CCDC138: variants seen among roughly 807,000 people sequenced by gnomAD.
The protein encoded by CCDC138 is coiled-coil domain-containing protein 138.
CCDC138 carries 66 observed loss-of-function variants against 82.3 expected under a neutral mutation model. The observed-to-expected ratio is 0.80, with a 90% CI of 0.66 to 0.98. CCDC138 has a LOEUF of 0.98. Among genes scored for constraint, CCDC138 ranks in the 50% least tolerant of loss-of-function variants. The probability of loss-of-function intolerance (pLI) is 0.00; values close to 1 mark genes in which losing one functional copy is unlikely to be tolerated. For synonymous variants in CCDC138, 297 were observed against 265.4 expected, an observed-to-expected ratio of 1.12 and a Z score of -1.16; for missense variants, 816 against 758.9, an observed-to-expected ratio of 1.08 and a Z score of -0.88.
At chr2:108,821,938 A>AAG (rs1685775842) in intron 10 of CCDC138, among the ~76,000 whole-genome samples, 1 of 151,830 alleles carries the variant, frequency 6.6e-6, no homozygotes, top group East Asian at 1.9e-4. Context: ...CAAAAAAAAA[A>AAG]AAAAAAAGTA....
At chr2:108,838,297 G>A (rs1331521393) in intron 10 of CCDC138, among the ~76,000 whole-genome samples, 3 of 152,060 alleles carry the variant, frequency 2.0e-5, no homozygotes, top group African/African-American at 4.8e-5. Flanking sequence ...TTTTTAAGAC[G>A]TCCAAAACAT....
At chr2:108,803,385 T>G (rs1031959560) in intron 6 of CCDC138, among the ~76,000 whole-genome samples, 3 of 53,138 alleles carry the variant, frequency 5.6e-5, no homozygotes, top group African/African-American at 1.5e-4. Flanking sequence ...GAAGACTGGT[T>G]TTCTCTCATT....
intron 2 of CCDC138, chr2:108,884,212 A>C (rs1327721245): frequency 6.6e-6 from 1 of 152,422 alleles, no homozygotes. Flanking sequence ...CAATGATGTG[A>C]ACTTTTAGTA....
chr2:108,810,120 T>C (rs1255887270), intron 7 of CCDC138, among the ~76,000 whole-genome samples: 1 of 152,220 alleles, frequency 6.6e-6, no homozygotes, highest in Non-Finnish European at 1.5e-5. Flanking sequence ...ATTTCCAATT[T>C]GGATGTCTTT....
At chr2:108,857,026 T>A (rs1419591175) in intron 13 of CCDC138, 56 bp downstream of exon 13, 5 of 954,784 alleles carry the variant, frequency 5.2e-6, no homozygotes, top group Non-Finnish European at 8.0e-6. Context: ...TCTGTCTTTA[T>A]CTTGTCTGCA....
chr2:108,843,238 A>G (rs957933924), intron 11 of CCDC138, among the ~76,000 whole-genome samples: 3 of 151,938 alleles, frequency 2.0e-5, no homozygotes, highest in South Asian at 2.1e-4. Context: ...GCTCACTGCA[A>G]CCTCCGTCTG....
At chr2:108,851,015 G>A (rs371930750) in intron 12 of CCDC138, among the ~76,000 whole-genome samples, 2 of 152,180 alleles carry the variant, frequency 1.3e-5, no homozygotes, top group East Asian at 1.9e-4. Context: ...TGCAAGTCCG[G>A]CCCTCTGGAA....
Position 108,846,828 on chromosome 2 carries a change from C to A in CCDC138, c.1414C>A (p.His472Asn). 6.2e-7 allele frequency: 1 copy of A among 1,607,398 alleles called. No individual in the cohort carries two copies. Among genetic ancestry groups the A allele is most frequent in the Non-Finnish European group, 8.5e-7 (1 of 1,174,166 alleles). The change falls in exon 12 of 15, where the codon CAT becomes AAT. Residue 472 changes from histidine to asparagine, a missense_variant. Physicochemically the swap from His to Asn is moderately conservative, Grantham distance 68. Coordinates refer to ENST00000295124, the MANE Select transcript of CCDC138 (RefSeq NM_144978.3). The part of the protein sequence containing the change: ...TKGIQDNSPQ[H>N]SVENKPKTAA... ...AGGAATTCAGGATAATTCTCCACAG[C>A]ATTCTGTGGAGAATAAACCAAAGAC...
Position 108,791,775 on chromosome 2 carries a change from A to G in CCDC138, c.367A>G (p.Lys123Glu), listed in dbSNP as rs1398740888. Residue 123 changes from lysine (K) to glutamate (E), a missense_variant, in exon 4 of 15, where the codon AAG becomes GAG. Lys to Glu is a moderately conservative substitution (Grantham distance 56, BLOSUM62 1). Transcript: ENST00000295124. Reference sequence around the variant, plus strand: ...TAGAGTTAGTACCTCGAAAATAACCAAGCAGTCTTTTAAAGAAATAGAAAA... The same window carrying G: ...TAGAGTTAGTACCTCGAAAATAACCGAGCAGTCTTTTAAAGAAATAGAAAA... ...DYRVSTSKIT[K>E]QSFKEIEKVA... The G allele has an allele frequency of 1.3e-6, 2 of 1,596,042 alleles. No homozygotes were observed. Among genetic ancestry groups the G allele is most frequent in the South Asian group, 2.3e-5 (2 of 88,322 alleles).
intron 7 of CCDC138, among the ~76,000 whole-genome samples, chr2:108,805,453 C>T (rs925794179): frequency 6.6e-6 from 1 of 152,022 alleles, no homozygotes. Context: ...AGGCCAGGCG[C>T]GGTGGCTCAC....
chr2:108,870,957 TAA>T (rs367643736), intron 13 of CCDC138, among the ~76,000 whole-genome samples: 205 of 152,316 alleles, frequency 1.3e-3, no homozygotes, highest in African/African-American at 4.5e-3. Flanking sequence ...GTTAAAATGA[TAA>T]GTGTTATGCA....
intron 10 of CCDC138, among the ~76,000 whole-genome samples, chr2:108,834,908 CTT>C (rs1688328744): frequency 6.6e-6 from 1 of 152,196 alleles, no homozygotes; most frequent in African/African-American, 2.4e-5. Flanking sequence ...TGATTCTTCT[CTT>C]GATATTTCTT....
intron 7 of CCDC138, among the ~76,000 whole-genome samples, chr2:108,806,853 A>G (rs1298577701): frequency 1.3e-5 from 2 of 152,230 alleles, no homozygotes; most frequent in African/African-American, 2.4e-5. Context: ...CTGAGGAGGC[A>G]AGGATTAATG....
At chr2:108,856,163 T>TG (rs57723737) in intron 12 of CCDC138, among the ~76,000 whole-genome samples, 2,662 of 152,266 alleles carry the variant, frequency 0.017, 65 homozygotes, top group African/African-American at 0.061. Flanking sequence ...CAGTCATCTG[T>TG]GGGACTTCTT....
At chr2:108,842,683 A>C (rs187335549) in intron 11 of CCDC138, among the ~76,000 whole-genome samples, 1 of 152,308 alleles carries the variant, frequency 6.6e-6, no homozygotes, top group East Asian at 1.9e-4. Context: ...TGTCTAAGGC[A>C]GATATCTGAA....
intron 12 of CCDC138, among the ~76,000 whole-genome samples, chr2:108,852,807 C>G (rs7574944): frequency 0.71 from 108,585 of 151,992 alleles, 41,805 homozygotes; most frequent in East Asian, 0.9. Context: ...AGTCTTAATA[C>G]CTGGGTGATG....
chr2:108,861,472 CT>C (rs201132350), intron 13 of CCDC138, among the ~76,000 whole-genome samples: 216 of 123,314 alleles, frequency 1.8e-3, no homozygotes, highest in African/African-American at 7.3e-3. Context: ...AACTTTCTTC[CT>C]TTTTTTTTTT....
chr2:108,793,967 C>T (rs1680405110), intron 4 of CCDC138, among the ~76,000 whole-genome samples: 1 of 152,058 alleles, frequency 6.6e-6, no homozygotes, highest in South Asian at 2.1e-4. Context: ...TCTGTATAGC[C>T]AAATCAGCTC....
intron 1 of CCDC138, among the ~76,000 whole-genome samples, chr2:108,787,260 A>G (rs192689850): frequency 5.3e-5 from 8 of 152,308 alleles, no homozygotes; most frequent in African/African-American, 1.9e-4. Flanking sequence ...ATAATTTCGG[A>G]CTTACTCAAA....
Sources: gnomAD v4.1 joint callset for allele counts (sites outside exome capture counted in the v4.1 genomes callset) on GRCh38, gnomAD v4.1.1 for gene constraint, MANE v1.5 for transcripts, NCBI Gene and HGNC (gene_info 2026-07-23, HGNC 2026-07-21) for gene names.